The following DHX15 variants were observed in gnomAD, a reference collection of about 807,000 sequenced individuals.
DHX15 encodes ATP-dependent RNA helicase DHX15.
In DHX15, 11 loss-of-function variants were observed where a neutral mutation model predicts 94.4. The observed-to-expected ratio is 0.12, with a 90% confidence interval of 0.07 to 0.19. DHX15 has a LOEUF of 0.19. Among genes scored for constraint, DHX15 ranks in the 10% least tolerant of loss-of-function variants. DHX15 has a pLI of 1.00. For missense variants in DHX15, 304 were observed against 988.5 expected (o/e 0.31, Z 9.29); for synonymous variants, 338 against 329.9 (o/e 1.02, Z -0.27).
chr4:24,575,807 G>A (rs923236192), intron 2 of DHX15, among the ~76,000 whole-genome samples: 1 of 152,148 alleles, frequency 6.6e-6, no homozygotes, highest in African/African-American at 2.4e-5. Flanking sequence ...AGTTCTATGG[G>A]AGGGAGGACG....
chr4:24,553,380 G>A (rs976742407), intron 5 of DHX15, among the ~76,000 whole-genome samples: 1 of 151,996 alleles, frequency 6.6e-6, no homozygotes, highest in Admixed American at 6.6e-5. Flanking sequence ...GCACTTTGGA[G>A]GAAATGAGAA....
intron 2 of DHX15, among the ~76,000 whole-genome samples, chr4:24,572,989 C>T (rs1722157374): frequency 6.6e-6 from 1 of 152,190 alleles, no homozygotes; most frequent in Non-Finnish European, 1.5e-5. Flanking sequence ...AGGCTTACTG[C>T]AACCTCCACC....
chr4:24,562,214 C>A (rs1560771646), intron 3 of DHX15, among the ~76,000 whole-genome samples: 1 of 150,454 alleles, frequency 6.6e-6, no homozygotes, highest in Non-Finnish European at 1.5e-5. Flanking sequence ...TGCACATATA[C>A]CCTTGAACCT....
At chr4:24,542,858 G>A in intron 7 of DHX15, 82 bp downstream of exon 7, 1 of 984,754 alleles carries the variant, frequency 1.0e-6, no homozygotes, top group Non-Finnish European at 1.5e-6. Flanking sequence ...AATTCTGAAA[G>A]GTAAATTTTA....
Position 24,547,949 on chromosome 4 carries a change from CT to C in DHX15, c.1248+905del, listed in dbSNP as rs1560766053. Among the ~76,000 whole-genome samples, 824 of 91,128 alleles carry C rather than the reference CT, an allele frequency of 9.0e-3. 9 individuals are homozygous for C. Among genetic ancestry groups the C allele is most frequent in the African/African-American group, 0.021 (469 of 22,794 alleles). 59.8% of individuals were successfully genotyped at this position (91,128 alleles called of 152,430 possible). A position where few individuals can be genotyped will look rare whatever the true frequency, so the allele number is the denominator to read the frequency against. On this transcript the variant is annotated intron_variant, in intron 6 of 13. Transcript: ENST00000336812. Reference sequence around the variant, plus strand: ...TATATATATATATATATATCTATATCTATATCTATATCTATCTGCTGATGGG... The same window carrying C: ...TATATATATATATATATATCTATATCATATCTATATCTATCTGCTGATGGG...
intron 11 of DHX15, chr4:24,533,994 T>G (rs1166033920): frequency 6.6e-6 from 1 of 152,214 alleles, no homozygotes; most frequent in East Asian, 1.9e-4. Context: ...TGCCTTAATG[T>G]TTTTTAGACA....
rs34695502 is a variant in DHX15 at position 24,583,473 on chromosome 4, G to GAA, written c.71+848_71+849dup. ...GGGACATGCATAGAAAATAAATGAT[G>GAA]AAAAAAAAAAACAATGCCTTCTAAT... On this transcript the variant is annotated intron_variant, in intron 1 of 13. Coordinates refer to ENST00000336812, the MANE Select transcript of DHX15 (RefSeq NM_001358.3). Among the ~76,000 whole-genome samples the GAA allele has an allele frequency of 1.1e-3, 160 of 146,300 alleles. 2 individuals are homozygous for GAA. The South Asian group carries it at 0.016, about 15-fold the overall frequency.
Position 24,556,311 on chromosome 4 carries a change from C to A in DHX15, c.801G>T (p.Leu267=). 2 of 1,613,706 alleles carry A rather than the reference C, an allele frequency of 1.2e-6. No homozygotes were observed. Among genetic ancestry groups the A allele is most frequent in the East Asian group, 4.5e-5 (2 of 44,832 alleles). The part of the protein sequence containing the change: ...IILDEAHERT[L]ATDILMGVLK... ...GAACACCCATTAGAATATCTGTAGC[C>A]AGTGTCCTCTCATGAGCCTCATCAA... The change falls in exon 4 of 14, where the codon CTG becomes CTT. Residue 267 remains leucine (L), a synonymous_variant. Transcript: ENST00000336812.
At chr4:24,544,774 G>A (rs936760796) in intron 6 of DHX15, among the ~76,000 whole-genome samples, 2 of 152,102 alleles carry the variant, frequency 1.3e-5, no homozygotes, top group African/African-American at 4.8e-5. Flanking sequence ...ATAACACAGG[G>A]TTGTAGGGAA....
chr4:24,547,897 GTATGTGTATATATATATATA>G (rs1560765665), intron 6 of DHX15, among the ~76,000 whole-genome samples: 32 of 55,790 alleles, frequency 5.7e-4, no homozygotes, highest in South Asian at 1.6e-3. Flanking sequence ...CTCTATGTAT[GTATGTGTATATATATATATA>G]TATATATATA....
Position 24,556,246 on chromosome 4 carries a change from T to G in DHX15, c.861+5A>C. On this transcript the variant is annotated splice_donor_5th_base_variant and intron_variant, in intron 4 of 13. Transcript: ENST00000336812. ...TAGTTAAATGGAGAGAAGAAATTACTTCACCTTTAAATCTGATCTCTGTCT... is the reference window on the plus strand; with the variant it reads ...TAGTTAAATGGAGAGAAGAAATTACGTCACCTTTAAATCTGATCTCTGTCT... 1 of 1,612,654 alleles carries G rather than the reference T, an allele frequency of 6.2e-7. No homozygotes were observed. The highest frequency in any genetic ancestry group is 1.3e-5 in the African/African-American group (1 of 75,014).
chr4:24,547,163 T>C (rs1721443270), intron 6 of DHX15, among the ~76,000 whole-genome samples: 1 of 152,180 alleles, frequency 6.6e-6, no homozygotes, highest in Non-Finnish European at 1.5e-5. Context: ...ACCTCTAAGA[T>C]GAAATTGACT....
At chr4:24,570,147 G>A (rs937133518) in intron 3 of DHX15, among the ~76,000 whole-genome samples, 1 of 152,126 alleles carries the variant, frequency 6.6e-6, no homozygotes, top group East Asian at 1.9e-4. Flanking sequence ...AGCTATAGAG[G>A]AACAAGGACC....
At chr4:24,574,934 C>A (rs1722215229) in intron 2 of DHX15, among the ~76,000 whole-genome samples, 1 of 152,006 alleles carries the variant, frequency 6.6e-6, no homozygotes, top group Non-Finnish European at 1.5e-5. Flanking sequence ...GAAAAATTGG[C>A]AAGGCTAAGG....
At chr4:24,570,878 C>A (rs951858587) in intron 2 of DHX15, 31 bp from the exon 3 acceptor site, 4 of 1,600,042 alleles carry the variant, frequency 2.5e-6, no homozygotes, top group Non-Finnish European at 3.4e-6. Flanking sequence ...TAAATTAATT[C>A]TATTCTGCCT....
rs749722262 is a variant in DHX15 at position 24,528,010 on chromosome 4, T to C, written c.2302A>G (p.Met768Val). The change falls in exon 14 of 14, where the codon ATG (methionine) becomes GTG (valine). Residue 768 changes from methionine to valine, a missense_variant. Around this residue, in one of 9 missense-constraint regions of DHX15, gnomAD observed 44 missense variants for 236.7 expected, o/e 0.19. Transcript: ENST00000336812. ...LVKIAPQYYD[M>V]SNFPQCEAKR... ...GCTTCACACTGTGGGAAATTGCTCA[T>C]GTCATAATATTGAGGGGCAATTTTC... 6.2e-7 allele frequency: 1 copy of C among 1,613,970 alleles called. No individual in the cohort carries two copies. The highest frequency in any genetic ancestry group is 8.5e-7 in the Non-Finnish European group (1 of 1,179,880).
At chr4:24,548,760 A>C (rs1282072472) in intron 6 of DHX15, 95 bp downstream of exon 6, 9 of 1,177,794 alleles carry the variant, frequency 7.6e-6, no homozygotes, top group Non-Finnish European at 1.0e-5. Context: ...CCTAGATCAC[A>C]ATCACCCATA....
At chr4:24,533,488 C>T (rs1217356218) in intron 11 of DHX15, 1 of 176,108 alleles carries the variant, frequency 5.7e-6, no homozygotes, top group Non-Finnish European at 1.2e-5. Flanking sequence ...TGACACAGAG[C>T]ACCTCAGACT....
At position 24,540,957 on chromosome 4, in the gene DHX15, GAAC is replaced by G; in HGVS notation, c.1486-12_1486-10del. ...TCAGGATAGGTGTTATCCTAGCAAA[GAAC>G]AAAAACATTTATTGGTTATGTTAAA... On this transcript the variant is annotated splice_polypyrimidine_tract_variant and intron_variant, in intron 8 of 13. Transcript: ENST00000336812. 1 of 1,530,356 alleles carries G rather than the reference GAAC, an allele frequency of 6.5e-7. No homozygotes were observed. Among genetic ancestry groups the G allele is most frequent in the Non-Finnish European group, 8.9e-7 (1 of 1,117,514 alleles). The allele number at this position is 1,530,356 out of a possible 1,614,324, so 94.8% of individuals were successfully genotyped here.
Sources: allele counts gnomAD v4.1 joint callset (sites outside exome capture counted in the v4.1 genomes callset), GRCh38; gene constraint gnomAD v4.1.1; regional missense constraint gnomAD v4.1.1; transcripts MANE v1.5; gene names NCBI Gene and HGNC (gene_info 2026-07-23, HGNC 2026-07-21).